Variants in NCAM1 observed in about 807,000 individuals in gnomAD.
The protein encoded by NCAM1 is neural cell adhesion molecule 1.
NCAM1 carries 14 observed loss-of-function variants against 109.8 expected under a neutral mutation model. The ratio of observed to expected loss-of-function variants is 0.13; its 90% CI spans 0.08 to 0.20. The LOEUF (loss-of-function observed/expected upper bound fraction) is 0.20, where lower values mean the gene tolerates loss of function less well. NCAM1 is among the 10% of genes least tolerant of loss of function. NCAM1 has a pLI of 1.00. For synonymous variants in NCAM1, 418 were observed against 442.9 expected (o/e 0.94, Z 0.70); for missense variants, 774 against 1,109.9 (o/e 0.70, Z 4.30).
intron 1 of NCAM1, among the ~76,000 whole-genome samples, chr11:113,024,290 T>C (rs909723269): frequency 2.0e-5 from 3 of 152,236 alleles, no homozygotes; most frequent in Non-Finnish European, 4.4e-5. Context: ...TTTTGAACTT[T>C]AGCGAAAATT....
chr11:113,175,680 T>C (rs1347750517), intron 1 of NCAM1, among the ~76,000 whole-genome samples: 1 of 152,212 alleles, frequency 6.6e-6, no homozygotes, highest in Non-Finnish European at 1.5e-5. Context: ...ACATCTTTGT[T>C]TTCCTGTTTT....
At chr11:113,068,938 T>A (rs1938119409) in intron 1 of NCAM1, among the ~76,000 whole-genome samples, 1 of 152,222 alleles carries the variant, frequency 6.6e-6, no homozygotes, top group East Asian at 1.9e-4. Flanking sequence ...CTAAACTTGA[T>A]GCTTGTGCTT....
intron 1 of NCAM1, among the ~76,000 whole-genome samples, chr11:112,967,100 C>T (rs1461776105): frequency 2.0e-5 from 3 of 152,298 alleles, no homozygotes; most frequent in Admixed American, 6.5e-5. Context: ...TATTCCACTT[C>T]GTACTCTGAG....
chr11:113,204,767 C>T (rs1227106424), intron 3 of NCAM1, among the ~76,000 whole-genome samples: 1 of 152,176 alleles, frequency 6.6e-6, no homozygotes, highest in Non-Finnish European at 1.5e-5. Flanking sequence ...TTTCTCTATC[C>T]CTTCCCCAAA....
intron 7 of NCAM1, among the ~76,000 whole-genome samples, chr11:113,210,550 C>A (rs1403328726): frequency 1.3e-5 from 2 of 152,132 alleles, no homozygotes; most frequent in Admixed American, 1.3e-4. Flanking sequence ...CTCTGAAAAG[C>A]AACTCAGCCC....
chr11:112,961,564 G>A lies in NCAM1; in HGVS notation c.-49G>A. 1 of 1,180,206 alleles carries A rather than the reference G, an allele frequency of 8.5e-7. No individual in the cohort carries two copies. The highest frequency in any genetic ancestry group is 1.3e-6 in the Non-Finnish European group (1 of 785,866). The allele number at this position is 1,180,206 out of a possible 1,614,324, so 73.1% of individuals were successfully genotyped here. A position where few individuals can be genotyped will look rare whatever the true frequency, so the allele number is the denominator to read the frequency against. The stretch of plus-strand genomic sequence containing the variant: ...GTCCACACTCGCTGCAGGGGGGGGG[G>A]CACAGAATTTACCGCGGCAAGAACA... On this transcript the variant is annotated 5_prime_UTR_variant, in exon 1 of 20. Transcript: ENST00000316851.
intron 1 of NCAM1, among the ~76,000 whole-genome samples, chr11:112,964,144 T>TTG (rs1555064508): frequency 7.4e-5 from 1 of 13,552 alleles, no homozygotes; most frequent in Non-Finnish European, 1.2e-4. Context: ...TTTTTTGTTT[T>TTG]TTTTTTTTTT....
chr11:113,039,592 G>A (rs574380200), intron 1 of NCAM1, among the ~76,000 whole-genome samples: 4 of 152,258 alleles, frequency 2.6e-5, no homozygotes, highest in Admixed American at 1.3e-4. Context: ...ATATAGCCTA[G>A]ACACAGGATG....
rs1414144859 is a variant in NCAM1 at position 113,173,829 on chromosome 11, G to A, written c.53-28550G>A. ...CCGTACCAGCAGCAGGAGTCAGCACGGCAGGGCTGGTGGCCTCGGGCAGCA... is the reference window on the plus strand; with the variant it reads ...CCGTACCAGCAGCAGGAGTCAGCACAGCAGGGCTGGTGGCCTCGGGCAGCA... On this transcript the variant is annotated intron_variant, in intron 1 of 19. Coordinates refer to ENST00000316851, the MANE Select transcript of NCAM1 (RefSeq NM_181351.5). Among the ~76,000 whole-genome samples, 3 of 151,914 alleles carry A rather than the reference G, an allele frequency of 2.0e-5. No homozygotes were observed. The South Asian group carries it at 6.2e-4, about 32-fold the overall frequency.
intron 1 of NCAM1, among the ~76,000 whole-genome samples, chr11:112,990,859 G>T (rs781888455): frequency 7.9e-5 from 12 of 152,120 alleles, no homozygotes; most frequent in Non-Finnish European, 1.5e-4. Context: ...TAGGCCTTGT[G>T]CTCCAATATT....
At chr11:113,251,596 G>A (rs1945680987) in intron 15 of NCAM1, among the ~76,000 whole-genome samples, 2 of 152,096 alleles carry the variant, frequency 1.3e-5, no homozygotes, top group Admixed American at 6.5e-5. Flanking sequence ...TTAATGTTCC[G>A]TTGGTGTAGT....
intron 1 of NCAM1, among the ~76,000 whole-genome samples, chr11:113,052,358 G>C (rs1318044439): frequency 2.6e-5 from 4 of 152,112 alleles, no homozygotes; most frequent in African/African-American, 7.2e-5. Context: ...AGCAGATTTG[G>C]TATTTCTCAG....
intron 14 of NCAM1, among the ~76,000 whole-genome samples, chr11:113,236,666 C>A (rs1239237164): frequency 1.3e-5 from 2 of 152,216 alleles, no homozygotes; most frequent in Non-Finnish European, 2.9e-5. Context: ...CGCTATAGCC[C>A]CGCCTCACCT....
At chr11:112,993,943 C>G (rs1951529750) in intron 1 of NCAM1, among the ~76,000 whole-genome samples, 1 of 152,146 alleles carries the variant, frequency 6.6e-6, no homozygotes, top group South Asian at 2.1e-4. Context: ...AAAGAGGAAT[C>G]CATGATTCTT....
intron 1 of NCAM1, among the ~76,000 whole-genome samples, chr11:112,987,575 T>C (rs1229971431): frequency 6.6e-6 from 1 of 152,202 alleles, no homozygotes; most frequent in Non-Finnish European, 1.5e-5. Flanking sequence ...GCTCTGATGG[T>C]GGGTGCATAT....
rs533008933 is a variant in NCAM1 at position 113,145,331 on chromosome 11, G to A, written c.53-57048G>A. 8.5e-5 allele frequency among the ~76,000 whole-genome samples: 13 copies of A among 152,240 alleles called. No individual in the cohort carries two copies. The East Asian group carries it at 1.9e-3, about 23-fold the overall frequency. ...TTCCCTAAATATAAAAAGCACAAAC[G>A]GCAAAAACATGATACAATTCAGGAA... On this transcript the variant is annotated intron_variant, in intron 1 of 19. Transcript: ENST00000316851.
At chr11:113,226,703 A>G (rs1365492715) in intron 9 of NCAM1, among the ~76,000 whole-genome samples, 5 of 152,216 alleles carry the variant, frequency 3.3e-5, no homozygotes, top group African/African-American at 9.7e-5. Flanking sequence ...CAGCAAATGT[A>G]AAAGAACAGA....
chr11:113,008,711 AT>A (rs1406629880), intron 1 of NCAM1, among the ~76,000 whole-genome samples: 1 of 152,180 alleles, frequency 6.6e-6, no homozygotes, highest in Admixed American at 6.5e-5. Context: ...TCATCTCTCG[AT>A]TTCTGTAGTG....
intron 1 of NCAM1, among the ~76,000 whole-genome samples, chr11:113,114,655 G>A (rs1362026614): frequency 6.6e-6 from 1 of 152,154 alleles, no homozygotes; most frequent in Non-Finnish European, 1.5e-5. Context: ...CTGGTGGAAG[G>A]CCTGAGCCAC....
Sources: gnomAD v4.1 joint callset for allele counts (sites outside exome capture counted in the v4.1 genomes callset) on GRCh38, gnomAD v4.1.1 for gene constraint, MANE v1.5 for transcripts, NCBI Gene and HGNC (gene_info 2026-07-23, HGNC 2026-07-21) for gene names.